PARPBP: variants seen among roughly 807,000 people sequenced by gnomAD.
PARPBP encodes PCNA-interacting partner.
A neutral mutation model predicts 50.0 loss-of-function variants in PARPBP; 52 were observed. The observed-to-expected ratio is 1.04, with a 90% confidence interval of 0.83 to 1.31. PARPBP has a LOEUF of 1.31. PARPBP is among the 50% of genes most tolerant of loss of function. PARPBP has a pLI of 0.00. For synonymous variants in PARPBP, 244 were observed against 232.1 expected (o/e 1.05, Z -0.47); for missense variants, 697 against 672.0 (o/e 1.04, Z -0.41).
intron 6 of PARPBP, among the ~76,000 whole-genome samples, chr12:102,173,286 A>T (rs1246965242): frequency 6.6e-6 from 1 of 152,226 alleles, no homozygotes; most frequent in Non-Finnish European, 1.5e-5. Context: ...GGTTTCTCTA[A>T]AAACCTAGTT....
chr12:102,156,385 G>C (rs1371297955), intron 4 of PARPBP, among the ~76,000 whole-genome samples: 1 of 150,876 alleles, frequency 6.6e-6, no homozygotes, highest in Non-Finnish European at 1.5e-5. Flanking sequence ...GTAGAGATGG[G>C]GTTTCACCCT....
chr12:102,142,504 T>C (rs556268726), intron 2 of PARPBP, among the ~76,000 whole-genome samples: 1 of 152,372 alleles, frequency 6.6e-6, no homozygotes, highest in East Asian at 1.9e-4. Context: ...GTCAAAGTCA[T>C]TCTCTGTCCA....
At chr12:102,155,938 A>C (rs1192487825) in intron 4 of PARPBP, among the ~76,000 whole-genome samples, 1 of 152,114 alleles carries the variant, frequency 6.6e-6, no homozygotes, top group Non-Finnish European at 1.5e-5. Flanking sequence ...CGAGCTGAAC[A>C]CTAGTCGCTG....
intron 2 of PARPBP, among the ~76,000 whole-genome samples, chr12:102,144,376 A>G (rs955777036): frequency 4.6e-5 from 7 of 152,140 alleles, no homozygotes; most frequent in African/African-American, 1.4e-4. Flanking sequence ...AACTTCCTTC[A>G]TATATTAGCC....
intron 3 of PARPBP, among the ~76,000 whole-genome samples, chr12:102,152,549 C>T (rs1886337425): frequency 6.6e-6 from 1 of 152,154 alleles, no homozygotes; most frequent in Non-Finnish European, 1.5e-5. Flanking sequence ...GTTTTATGAG[C>T]TAGTTCCTCC....
At chr12:102,190,656 A>C (rs1890713679) in intron 9 of PARPBP, among the ~76,000 whole-genome samples, 1 of 152,096 alleles carries the variant, frequency 6.6e-6, no homozygotes, top group Non-Finnish European at 1.5e-5. Context: ...CCTGGTGAGC[A>C]TGTCTAAAGC....
chr12:102,152,227 G>A (rs745749342), intron 3 of PARPBP, among the ~76,000 whole-genome samples: 1 of 152,130 alleles, frequency 6.6e-6, no homozygotes. Flanking sequence ...TCTCAGACTG[G>A]ATTGAAAAAC....
Position 102,196,951 on chromosome 12 carries a change from G to A in PARPBP, c.*660G>A, listed in dbSNP as rs778904142. ...TTAATGGTGGTAGGATGTAAGAATT[G>A]AATTTTGAAAAGACTACTCACTGTC... On this transcript the variant is annotated 3_prime_UTR_variant, in exon 11 of 11. Coordinates refer to ENST00000327680, the MANE Select transcript of PARPBP (RefSeq NM_017915.5). 1.3e-6 allele frequency: 2 copies of A among 1,578,140 alleles called. No homozygotes were observed. Among genetic ancestry groups the A allele is most frequent in the Non-Finnish European group, 1.7e-6 (2 of 1,149,320 alleles).
chr12:102,164,954 A>G lies in PARPBP; in HGVS notation c.666+346A>G, dbSNP rs572446280. Among the ~76,000 whole-genome samples the G allele has an allele frequency of 9.7e-4, 147 of 152,202 alleles. 1 individual carries two copies. Among genetic ancestry groups the G allele is most frequent in the Non-Finnish European group, 1.1e-3 (73 of 68,020 alleles). ...AGTAGTATATACCCTTATTGGTTAT[A>G]CATAATCCATGATTGTATATAAGAG... is the stretch of plus-strand genomic sequence containing the variant. On this transcript the variant is annotated intron_variant, in intron 5 of 10. Coordinates refer to ENST00000327680, the MANE Select transcript of PARPBP (RefSeq NM_017915.5).
rs77973991 is a variant in PARPBP at position 102,123,921 on chromosome 12, T to A, written c.33T>A (p.Asp11Glu). Residue 11 changes from aspartate to glutamate, a missense_variant, in exon 2 of 11, where the codon GAT becomes GAA. Asp to Glu is a conservative substitution (Grantham distance 45, BLOSUM62 2). Coordinates refer to ENST00000327680, the MANE Select transcript of PARPBP (RefSeq NM_017915.5). MAVFNQKSVS[D>E]MIKEFRKNWR... The stretch of plus-strand genomic sequence containing the variant: ...TGTTTAATCAGAAGTCTGTCTCGGA[T>A]ATGATTAAAGAGTTTCGAAAAAATT... The A allele has an allele frequency of 1.3e-6, 2 of 1,535,252 alleles. No homozygotes were observed. Among genetic ancestry groups the A allele is most frequent in the Admixed American group, 3.9e-5 (2 of 50,970 alleles).
At chr12:102,121,594 C>T (rs979270536) in intron 1 of PARPBP, among the ~76,000 whole-genome samples, 1 of 138,430 alleles carries the variant, frequency 7.2e-6, no homozygotes, top group Non-Finnish European at 1.5e-5. Context: ...CACTCTGTCA[C>T]CTAGGCTGGA....
chr12:102,163,967 A>AG (rs201145511), intron 4 of PARPBP, among the ~76,000 whole-genome samples: 2,433 of 152,146 alleles, frequency 0.016, 25 homozygotes, highest in Middle Eastern at 0.027. Context: ...TACCTTGAGT[A>AG]GGGGGGGCAC....
At position 102,149,452 on chromosome 12, in the gene PARPBP, A is replaced by C. The variant is rs1246694725; in HGVS notation, c.387+989A>C. Among the ~76,000 whole-genome samples the C allele has an allele frequency of 2.0e-5, 3 of 152,234 alleles. No individual in the cohort carries two copies. The South Asian group carries it at 6.2e-4, about 32-fold the overall frequency. ...TACCCTCTAGACCATTTTATGGTCC[A>C]AGATGACTGTTGGAGCTCCAGCCAT... is the stretch of plus-strand genomic sequence containing the variant. On this transcript the variant is annotated intron_variant, in intron 3 of 10. Coordinates refer to ENST00000327680, the MANE Select transcript of PARPBP (RefSeq NM_017915.5).
chr12:102,162,361 G>A (rs1887691127), intron 4 of PARPBP, among the ~76,000 whole-genome samples: 1 of 152,114 alleles, frequency 6.6e-6, no homozygotes, highest in Non-Finnish European at 1.5e-5. Flanking sequence ...GTTTTGAGTG[G>A]GAATCGAGTT....
At chr12:102,172,352 A>G (rs939084824) in intron 6 of PARPBP, among the ~76,000 whole-genome samples, 8 of 152,248 alleles carry the variant, frequency 5.3e-5, no homozygotes, top group African/African-American at 1.9e-4. Flanking sequence ...TTGTATCATT[A>G]TCACTTGTGA....
At chr12:102,120,726 C>A (rs375743860) in intron 1 of PARPBP, among the ~76,000 whole-genome samples, 1 of 152,180 alleles carries the variant, frequency 6.6e-6, no homozygotes, top group Non-Finnish European at 1.5e-5. Flanking sequence ...TACTAAATGC[C>A]TGGCACTAGG....
At chr12:102,177,075 A>C (rs546281597) in intron 7 of PARPBP, among the ~76,000 whole-genome samples, 1 of 152,342 alleles carries the variant, frequency 6.6e-6, no homozygotes, top group Non-Finnish European at 1.5e-5. Context: ...ATCAAATGAT[A>C]CTCATGAAGT....
At position 102,196,366 on chromosome 12, in the gene PARPBP, C is replaced by A. The variant is rs1891319249; in HGVS notation, c.*75C>A. On this transcript the variant is annotated 3_prime_UTR_variant, in exon 11 of 11. Coordinates refer to ENST00000327680, the MANE Select transcript of PARPBP (RefSeq NM_017915.5). ...AAGACATGCTTAATTTTTAAGAGAT[C>A]AAGGTGTAAATTATGATGATTTATT... The A allele has an allele frequency of 3.1e-6, 3 of 970,748 alleles. No individual in the cohort carries two copies. The highest frequency in any genetic ancestry group is 4.9e-5 in the East Asian group (2 of 40,804). 60.1% of individuals were successfully genotyped at this position (970,748 alleles called of 1,614,324 possible).
chr12:102,177,367 A>G (rs1469286532), intron 7 of PARPBP, among the ~76,000 whole-genome samples: 19 of 152,196 alleles, frequency 1.2e-4, no homozygotes, highest in Non-Finnish European at 1.5e-5. Context: ...CTATTTTGTC[A>G]TGGAGTTTAA....
Sources: allele counts gnomAD v4.1 joint callset (sites outside exome capture counted in the v4.1 genomes callset), GRCh38; gene constraint gnomAD v4.1.1; transcripts MANE v1.5; gene names NCBI Gene and HGNC (gene_info 2026-07-23, HGNC 2026-07-21).